The following LDLRAD4 variants were observed in gnomAD, a reference collection of about 807,000 sequenced individuals.
The protein encoded by LDLRAD4 is low density lipoprotein receptor class A domain containing 4.
In LDLRAD4, 5 loss-of-function variants were observed where a neutral mutation model predicts 17.0. That is an observed-to-expected ratio of 0.29 (90% CI 0.15 to 0.62). The LOEUF is 0.62. LDLRAD4 is among the 20% of genes least tolerant of loss of function. LDLRAD4 has a pLI of 0.84. For missense variants in LDLRAD4, 340 were observed against 424.7 expected (o/e 0.80, Z 1.75); for synonymous variants, 168 against 171.8 (o/e 0.98, Z 0.17).
At chr18:13,444,537 T>C (rs1056363035) in intron 3 of LDLRAD4, among the ~76,000 whole-genome samples, 5 of 152,220 alleles carry the variant, frequency 3.3e-5, no homozygotes, top group African/African-American at 4.8e-5. Flanking sequence ...TTGAAAGTTA[T>C]ACACAAATTT....
intron 1 of LDLRAD4, among the ~76,000 whole-genome samples, chr18:13,252,400 A>G (rs192166786): frequency 1.9e-4 from 29 of 152,312 alleles, no homozygotes; most frequent in Admixed American, 1.0e-3. Flanking sequence ...AAGTGCTGGG[A>G]TTACAGGCGT....
At chr18:13,496,606 A>G (rs2093475352) in intron 3 of LDLRAD4, among the ~76,000 whole-genome samples, 1 of 152,234 alleles carries the variant, frequency 6.6e-6, no homozygotes, top group Non-Finnish European at 1.5e-5. Flanking sequence ...CTCAAGCATC[A>G]GCACCGAACT....
intron 3 of LDLRAD4, chr18:13,491,177 C>T (rs965805715): frequency 6.6e-6 from 1 of 151,888 alleles, no homozygotes; most frequent in African/African-American, 2.4e-5. Flanking sequence ...CTGAGGTGCA[C>T]TGTATTTCTG....
At chr18:13,503,043 A>G (rs886069330) in intron 3 of LDLRAD4, among the ~76,000 whole-genome samples, 1 of 152,224 alleles carries the variant, frequency 6.6e-6, no homozygotes, top group Non-Finnish European at 1.5e-5. Flanking sequence ...GGCTGATGGT[A>G]TTACATGGAA....
Position 13,541,059 on chromosome 18 carries a change from C to G in LDLRAD4, c.182-80058C>G, listed in dbSNP as rs560195771. Among the ~76,000 whole-genome samples the G allele has an allele frequency of 1.9e-4, 29 of 152,306 alleles. 2 individuals are homozygous for G. The East Asian group carries it at 5.6e-3, about 29-fold the overall frequency. ...TGCATTCTAGTTTCCAAGACAGAGT[C>G]TGCAGAGCTGTGGCAACCCTCAGAG... On this transcript the variant is annotated intron_variant, in intron 3 of 5. Transcript: ENST00000359446.
chr18:13,593,583 G>A (rs7231984), intron 3 of LDLRAD4, among the ~76,000 whole-genome samples: 4,323 of 147,912 alleles, frequency 0.029, 67 homozygotes, highest in African/African-American at 0.051. Flanking sequence ...CCGTCCGTCC[G>A]TCCATCCATC....
At chr18:13,458,566 G>A (rs1240750480) in intron 3 of LDLRAD4, among the ~76,000 whole-genome samples, 1 of 152,208 alleles carries the variant, frequency 6.6e-6, no homozygotes, top group East Asian at 1.9e-4. Flanking sequence ...GAAAGATGTG[G>A]TAGGCAGAAT....
At chr18:13,631,813 A>G (rs1158857751) in intron 4 of LDLRAD4, among the ~76,000 whole-genome samples, 2 of 151,992 alleles carry the variant, frequency 1.3e-5, no homozygotes, top group African/African-American at 4.8e-5. Context: ...TGCAATCCCA[A>G]CTACTCGGGA....
intron 3 of LDLRAD4, among the ~76,000 whole-genome samples, chr18:13,591,120 C>G (rs1348542920): frequency 6.6e-6 from 1 of 152,108 alleles, no homozygotes; most frequent in Non-Finnish European, 1.5e-5. Flanking sequence ...AAGACAGAGC[C>G]CAAATCTTGT....
intron 1 of LDLRAD4, among the ~76,000 whole-genome samples, chr18:13,252,680 G>A (rs966958737): frequency 1.3e-5 from 2 of 152,216 alleles, no homozygotes; most frequent in African/African-American, 4.8e-5. Context: ...CAGATGTGAT[G>A]GATGACAAGG....
intron 1 of LDLRAD4, among the ~76,000 whole-genome samples, chr18:13,315,416 G>T (rs12957122): frequency 6.6e-6 from 1 of 152,126 alleles, no homozygotes; most frequent in Non-Finnish European, 1.5e-5. Context: ...GTAGTTTTTG[G>T]ACTAATGAGA....
intron 1 of LDLRAD4, among the ~76,000 whole-genome samples, chr18:13,314,655 GA>G (rs1567997196): frequency 6.6e-6 from 1 of 152,192 alleles, no homozygotes; most frequent in Non-Finnish European, 1.5e-5. Context: ...GATAGGTGAA[GA>G]ACAAAACAGA....
At chr18:13,446,162 C>T (rs907877396) in intron 3 of LDLRAD4, among the ~76,000 whole-genome samples, 1 of 152,126 alleles carries the variant, frequency 6.6e-6, no homozygotes, top group Non-Finnish European at 1.5e-5. Flanking sequence ...TCATCTCATT[C>T]ATCTCTCAAA....
intron 1 of LDLRAD4, among the ~76,000 whole-genome samples, chr18:13,376,398 C>CGG: frequency 6.6e-6 from 1 of 152,220 alleles, no homozygotes; most frequent in East Asian, 1.9e-4. Flanking sequence ...AGAGCCTGTG[C>CGG]ATCCCCATGA....
chr18:13,355,128 G>A (rs554262849), intron 1 of LDLRAD4, among the ~76,000 whole-genome samples: 1 of 152,368 alleles, frequency 6.6e-6, no homozygotes, highest in African/African-American at 2.4e-5. Flanking sequence ...CAGCATTGCA[G>A]AGGGCCTCTC....
chr18:13,309,102 A>G (rs763432000), intron 1 of LDLRAD4, among the ~76,000 whole-genome samples: 4 of 152,230 alleles, frequency 2.6e-5, no homozygotes, highest in Non-Finnish European at 4.4e-5. Flanking sequence ...ATGAAAAACT[A>G]AGGCATGTTC....
chr18:13,293,032 T>C (rs1489228277), intron 1 of LDLRAD4, among the ~76,000 whole-genome samples: 1 of 152,264 alleles, frequency 6.6e-6, no homozygotes, highest in Non-Finnish European at 1.5e-5. Flanking sequence ...CCAGGAATGC[T>C]GTGAACCTTC....
Position 13,503,403 on chromosome 18 carries a change from C to T in LDLRAD4, c.181+65019C>T, listed in dbSNP as rs541204566. ...TGCCACCAGGTGCTTGAACAAACGG[C>T]CATGTGTATGAGGGTCCCTTCTCCT... On this transcript the variant is annotated intron_variant, in intron 3 of 5. Coordinates refer to ENST00000359446, the Ensembl canonical transcript of LDLRAD4. Among the ~76,000 whole-genome samples, 21 of 152,280 alleles carry T rather than the reference C, an allele frequency of 1.4e-4. No individual in the cohort carries two copies. In the East Asian group the frequency reaches 4.0e-3, roughly 29 times the overall value.
At chr18:13,290,108 G>A (rs1389648433) in intron 1 of LDLRAD4, among the ~76,000 whole-genome samples, 1 of 152,334 alleles carries the variant, frequency 6.6e-6, no homozygotes, top group Admixed American at 6.5e-5. Context: ...GAGCCGGCAG[G>A]GCCTGGGTAG....
Sources: allele counts gnomAD v4.1 joint callset (sites outside exome capture counted in the v4.1 genomes callset), GRCh38; gene constraint gnomAD v4.1.1; transcripts MANE v1.5; gene names NCBI Gene and HGNC (gene_info 2026-07-23, HGNC 2026-07-21).